The following TXNDC11 variants were observed in gnomAD, a reference collection of about 807,000 sequenced individuals.
TXNDC11 encodes the protein thioredoxin domain-containing protein 11.
A neutral mutation model predicts 78.0 loss-of-function variants in TXNDC11; 68 were observed. That is an observed-to-expected ratio of 0.87 (90% CI 0.72 to 1.07). The LOEUF (loss-of-function observed/expected upper bound fraction) is 1.07, where lower values mean the gene tolerates loss of function less well. Among genes scored for constraint, TXNDC11 ranks in the 50% least tolerant of loss-of-function variants. The probability of loss-of-function intolerance (pLI) is 0.00; values close to 1 mark genes in which losing one functional copy is unlikely to be tolerated. For synonymous variants in TXNDC11, 571 were observed against 495.2 expected, an observed-to-expected ratio of 1.15 and a Z score of -2.03; for missense variants, 1,389 against 1,221.8, an observed-to-expected ratio of 1.14 and a Z score of -2.04.
chr16:11,707,305 G>A (rs1034257274), intron 5 of TXNDC11, among the ~76,000 whole-genome samples: 3 of 150,928 alleles, frequency 2.0e-5, no homozygotes, highest in African/African-American at 7.3e-5. Flanking sequence ...TGTAGTCCCA[G>A]CTATTTGGGA....
At chr16:11,718,272 A>T (rs892676038) in intron 5 of TXNDC11, among the ~76,000 whole-genome samples, 1 of 126,112 alleles carries the variant, frequency 7.9e-6, no homozygotes, top group Non-Finnish European at 1.8e-5. Flanking sequence ...AAGACAATTT[A>T]AAAAAAAATC....
intron 5 of TXNDC11, among the ~76,000 whole-genome samples, chr16:11,709,252 TGTGA>T (rs2051267571): frequency 7.5e-6 from 1 of 133,322 alleles, no homozygotes; most frequent in Non-Finnish European, 1.7e-5. Context: ...ACTTATAAGC[TGTGA>T]TTCTTTTTTT....
chr16:11,695,021 G>A (rs1053622162), intron 7 of TXNDC11, among the ~76,000 whole-genome samples: 1 of 152,232 alleles, frequency 6.6e-6, no homozygotes, highest in Non-Finnish European at 1.5e-5. Flanking sequence ...AGATTCAGAC[G>A]ATGTGAATGC....
At chr16:11,698,818 C>A (rs918277213) in intron 6 of TXNDC11, among the ~76,000 whole-genome samples, 1 of 152,226 alleles carries the variant, frequency 6.6e-6, no homozygotes, top group Non-Finnish European at 1.5e-5. Context: ...TCACCTGTAT[C>A]CTCCGGGCCT....
In TXNDC11 at chr16:11,730,904, C is replaced by A. The variant is rs74010108; in HGVS notation, c.570-130G>T. On this transcript the variant is annotated intron_variant, in intron 3 of 11. Coordinates refer to ENST00000283033, the MANE Select transcript of TXNDC11 (RefSeq NM_015914.7). The stretch of plus-strand genomic sequence containing the variant: ...GTCTTGCTTTGGGATCCAACCAAGT[C>A]ACAGATCAGTAGCCTGCTTTGCTCA... 3.6e-3 allele frequency: 2,379 copies of A among 659,850 alleles called. 52 individuals carry two copies. The African/African-American group carries it at 0.041, about 11-fold the overall frequency. The allele number at this position is 659,850 out of a possible 1,614,324, so 40.9% of individuals were successfully genotyped here.
In TXNDC11 at chr16:11,728,965, C is replaced by T. The variant is rs185763172; in HGVS notation, c.699+1680G>A. Among the ~76,000 whole-genome samples the T allele has an allele frequency of 2.6e-5, 4 of 152,282 alleles. No individual in the cohort carries two copies. The East Asian group carries it at 7.7e-4, about 29-fold the overall frequency. ...GCAGCGAGCCAAGATCATGCCACTGCACTCCAGCCTGGGTAACAGAGTGAG... is the reference window on the plus strand; with the variant it reads ...GCAGCGAGCCAAGATCATGCCACTGTACTCCAGCCTGGGTAACAGAGTGAG... On this transcript the variant is annotated intron_variant, in intron 4 of 11. Coordinates refer to ENST00000283033, the MANE Select transcript of TXNDC11 (RefSeq NM_015914.7).
At chr16:11,710,020 G>A (rs1400707130) in intron 5 of TXNDC11, among the ~76,000 whole-genome samples, 2 of 152,060 alleles carry the variant, frequency 1.3e-5, no homozygotes, top group African/African-American at 4.8e-5. Flanking sequence ...GCACATGCCT[G>A]TAATCCCAGC....
chr16:11,724,104 G>A (rs746723952), intron 4 of TXNDC11, among the ~76,000 whole-genome samples: 6 of 152,132 alleles, frequency 3.9e-5, no homozygotes, highest in Non-Finnish European at 7.3e-5. Context: ...CCAGCCTGGT[G>A]AAATCCCATC....
intron 4 of TXNDC11, 43 bp from the exon 5 acceptor site, chr16:11,721,713 G>C: frequency 3.5e-6 from 4 of 1,148,578 alleles, no homozygotes; most frequent in Non-Finnish European, 5.2e-6. Flanking sequence ...GGCACTGTCA[G>C]CCACAGTGTA....
chr16:11,694,096 G>GTTTTT (rs2050791738), intron 7 of TXNDC11, among the ~76,000 whole-genome samples: 1 of 110,404 alleles, frequency 9.1e-6, no homozygotes, highest in African/African-American at 4.2e-5. Context: ...CTACAGCAAT[G>GTTTTT]CTTTTTTTTT....
At chr16:11,731,735 T>C (rs2052057229) in intron 3 of TXNDC11, among the ~76,000 whole-genome samples, 1 of 151,272 alleles carries the variant, frequency 6.6e-6, no homozygotes, top group Non-Finnish European at 1.5e-5. Context: ...ATAAACACAA[T>C]TCTTCCATGT....
At chr16:11,694,500 G>T (rs560065208) in intron 7 of TXNDC11, among the ~76,000 whole-genome samples, 1 of 150,290 alleles carries the variant, frequency 6.7e-6, no homozygotes, top group East Asian at 2.0e-4. Context: ...CAGGCTAGAG[G>T]GCAGTGGCAC....
chr16:11,717,004 G>A (rs2051544541), intron 5 of TXNDC11, among the ~76,000 whole-genome samples: 1 of 151,600 alleles, frequency 6.6e-6, no homozygotes, highest in Non-Finnish European at 1.5e-5. Flanking sequence ...AATCAACTGT[G>A]CTCTATATTT....
rs1324788340 is a variant in TXNDC11 at position 11,730,752 on chromosome 16, C to G, written c.592G>C (p.Gly198Arg). Residue 198 changes from glycine to arginine, a missense_variant, in exon 4 of 12, where the codon GGC (glycine) becomes CGC (arginine). Physicochemically the swap from Gly to Arg is moderately radical, Grantham distance 125. Transcript: ENST00000283033. ...TCAATGTAAACAGCACTCATGGGGC[C>G]TTTGTATTCGATTGGTCCAAAACTA... is the stretch of plus-strand genomic sequence containing the variant. Reference protein sequence around the residue: ...HRSFGPIEYKGPMSAVYIEKF... With the variant: ...HRSFGPIEYKRPMSAVYIEKF... The G allele has an allele frequency of 6.2e-7, 1 of 1,604,268 alleles. No homozygotes were observed. Among genetic ancestry groups the G allele is most frequent in the Admixed American group, 1.7e-5 (1 of 59,782 alleles).
At chr16:11,699,697 G>C (rs1235338588) in intron 6 of TXNDC11, among the ~76,000 whole-genome samples, 3 of 152,290 alleles carry the variant, frequency 2.0e-5, no homozygotes, top group Non-Finnish European at 2.9e-5. Context: ...ACAAGACTTA[G>C]ACATTGTGCC....
chr16:11,714,320 C>T (rs919608754), intron 5 of TXNDC11, among the ~76,000 whole-genome samples: 2 of 152,188 alleles, frequency 1.3e-5, no homozygotes, highest in African/African-American at 4.8e-5. Flanking sequence ...CACCGTGCCC[C>T]GCCAAGATCT....
chr16:11,710,998 G>A (rs1233385066), intron 5 of TXNDC11, among the ~76,000 whole-genome samples: 1 of 152,036 alleles, frequency 6.6e-6, no homozygotes, highest in South Asian at 2.1e-4. Flanking sequence ...AAAGAAGCTG[G>A]GGTGATGAAA....
chr16:11,691,992 C>G lies in TXNDC11; in HGVS notation c.1198G>C (p.Val400Leu). Residue 400 changes from valine to leucine, a missense_variant, in exon 8 of 12, where the codon GTG becomes CTG. Val to Leu is a conservative substitution (Grantham distance 32). Transcript: ENST00000283033. ...LQHLRRVDAPVLESLALEVPA... is the reference protein window; with the variant it reads ...LQHLRRVDAPLLESLALEVPA... ...ACTTCCAGGGCCAGGGACTCCAGCA[C>G]TGGAGCATCCACCCGCCGCAGGTGC... 6.3e-7 allele frequency: 1 copy of G among 1,583,368 alleles called. No individual in the cohort carries two copies. Among genetic ancestry groups the G allele is most frequent in the Non-Finnish European group, 8.6e-7 (1 of 1,163,348 alleles).
intron 10 of TXNDC11, among the ~76,000 whole-genome samples, chr16:11,686,770 ATC>A (rs2050577347): frequency 6.6e-6 from 1 of 152,212 alleles, no homozygotes; most frequent in Admixed American, 6.5e-5. Context: ...TCAGAATGGA[ATC>A]GGTCTCAGCC....
Sources: gnomAD v4.1 joint callset for allele counts (sites outside exome capture counted in the v4.1 genomes callset) on GRCh38, gnomAD v4.1.1 for gene constraint, MANE v1.5 for transcripts, NCBI Gene and HGNC (gene_info 2026-07-23, HGNC 2026-07-21) for gene names.